Variants in SDK2 observed in about 807,000 individuals in gnomAD.
The protein encoded by SDK2 is protein sidekick-2.
In SDK2, 105 loss-of-function variants were observed where a neutral mutation model predicts 253.9. The observed-to-expected ratio is 0.41, with a 90% CI of 0.35 to 0.49. SDK2 has a LOEUF of 0.49. Ranked by LOEUF, SDK2 falls within the 20% of genes least tolerant of loss-of-function variation. The pLI is 0.06. For missense variants in SDK2, 2,608 were observed against 3,003.0 expected (o/e 0.87, Z 3.07); for synonymous variants, 1,249 against 1,234.9 (o/e 1.01, Z -0.24).
At position 73,419,730 on chromosome 17, in the gene SDK2, C is replaced by CAAAAAAAAAA. The variant is rs1335442338; in HGVS notation, c.2046-425_2046-424insTTTTTTTTTT. 1.5e-4 allele frequency among the ~76,000 whole-genome samples: 4 copies of CAAAAAAAAAA among 25,906 alleles called. 1 individual carries two copies. Among genetic ancestry groups the CAAAAAAAAAA allele is most frequent in the Non-Finnish European group, 3.2e-4 (3 of 9,274 alleles). 17.0% of individuals were successfully genotyped at this position (25,906 alleles called of 152,430 possible). On this transcript the variant is annotated intron_variant, in intron 15 of 44. Coordinates refer to ENST00000392650, the MANE Select transcript of SDK2 (RefSeq NM_001144952.2). ...ACCAAAAAAAACAACAAAAAAAACC[C>CAAAAAAAAAA]AAAAAAACTCCCTCCTGGTGACTTG...
At chr17:73,426,465 ATG>A (rs1162347954) in intron 12 of SDK2, among the ~76,000 whole-genome samples, 1 of 151,944 alleles carries the variant, frequency 6.6e-6, no homozygotes, top group African/African-American at 2.4e-5. Context: ...TTGGATGCAC[ATG>A]TGTCAGTACA....
At chr17:73,351,822 GAGA>G (rs2062541341) in intron 41 of SDK2, among the ~76,000 whole-genome samples, 1 of 152,078 alleles carries the variant, frequency 6.6e-6, no homozygotes, top group African/African-American at 2.4e-5. Flanking sequence ...GTGGGTAAAG[GAGA>G]AGATTTGGTT....
intron 18 of SDK2, among the ~76,000 whole-genome samples, chr17:73,403,531 T>C (rs2063046640): frequency 6.6e-6 from 1 of 152,156 alleles, no homozygotes; most frequent in African/African-American, 2.4e-5. Flanking sequence ...TCCTCATTTA[T>C]TTGAAGTTGA....
At chr17:73,403,899 T>C (rs2063049624) in intron 18 of SDK2, among the ~76,000 whole-genome samples, 1 of 152,252 alleles carries the variant, frequency 6.6e-6, no homozygotes, top group Non-Finnish European at 1.5e-5. Flanking sequence ...ACAAGTTTAA[T>C]GTTTTAATTT....
chr17:73,545,128 A>ACACACACACACACACACAC, intron 1 of SDK2, among the ~76,000 whole-genome samples: 2 of 76,996 alleles, frequency 2.6e-5, no homozygotes, highest in African/African-American at 7.5e-5. Context: ...CACACACACA[A>ACACACACACACACACACAC]AGTGGAGGCT....
intron 1 of SDK2, among the ~76,000 whole-genome samples, chr17:73,542,777 A>G (rs1316414321): frequency 6.6e-6 from 1 of 152,058 alleles, no homozygotes; most frequent in African/African-American, 2.4e-5. Context: ...AACAGGCCTG[A>G]AATTCATGCC....
chr17:73,514,242 G>C (rs575880696), intron 1 of SDK2, among the ~76,000 whole-genome samples: 1 of 152,168 alleles, frequency 6.6e-6, no homozygotes, highest in South Asian at 2.1e-4. Context: ...AATGAAGAGC[G>C]GCCTTCAGAG....
At chr17:73,551,465 C>T (rs1010954635) in intron 1 of SDK2, among the ~76,000 whole-genome samples, 100 of 152,304 alleles carry the variant, frequency 6.6e-4, no homozygotes, top group African/African-American at 2.2e-3. Flanking sequence ...GGGGAGGGGG[C>T]GGAGCGGCCG....
chr17:73,401,954 T>C lies in SDK2; in HGVS notation c.2672A>G (p.His891Arg), dbSNP rs2063031320. The change falls in exon 19 of 45, where the codon CAT (histidine) becomes CGT (arginine). Residue 891 changes from histidine (H) to arginine (R), a missense_variant. Physicochemically the swap from His to Arg is conservative, Grantham distance 29. This residue lies in a region of SDK2 where 1,505 missense variants were observed against 1,859.1 expected (regional missense o/e 0.81). Transcript: ENST00000392650. ...GGCTGGGGGGTGCCTACCATCCTCA[T>C]GGGTGCGCACCAGCTGCGGGGTGCT... Reference protein sequence around the residue: ...PRSTPQLVRTHEDVPGPVGHL... With the variant: ...PRSTPQLVRTREDVPGPVGHL... The C allele has an allele frequency of 2.5e-6, 4 of 1,607,160 alleles. No homozygotes were observed. Among genetic ancestry groups the C allele is most frequent in the Middle Eastern group, 3.3e-4 (2 of 6,006 alleles).
rs1329302718 is a variant in SDK2, at chr17:73,404,560, G to A, written c.2485-2419C>T. On this transcript the variant is annotated intron_variant, in intron 18 of 44. Transcript: ENST00000392650. ...GAAAAGGAAACTGAGGTTCAGGAAGGTTAAGGAGCTTGCACATGGACCTAC... is the reference window on the plus strand; with the variant it reads ...GAAAAGGAAACTGAGGTTCAGGAAGATTAAGGAGCTTGCACATGGACCTAC... Among the ~76,000 whole-genome samples the A allele has an allele frequency of 3.9e-5, 6 of 152,176 alleles. No homozygotes were observed. In the East Asian group the frequency reaches 9.7e-4, roughly 24 times the overall value.
chr17:73,393,658 C>T lies in SDK2; in HGVS notation c.3800G>A (p.Gly1267Asp), dbSNP rs2145503868. 6.2e-7 allele frequency: 1 copy of T among 1,600,858 alleles called. No homozygotes were observed. The highest frequency in any genetic ancestry group is 1.3e-5 in the African/African-American group (1 of 74,858). Residue 1267 changes from glycine (G) to aspartate (D), a missense_variant, in exon 27 of 45, where the codon GGC becomes GAC. Gly to Asp is a moderately conservative substitution (Grantham distance 94). Around this residue, in one of 2 missense-constraint regions of SDK2, gnomAD observed 1,505 missense variants for 1,859.1 expected, o/e 0.81. Transcript: ENST00000392650. The stretch of plus-strand genomic sequence containing the variant: ...CTGGACTTCATAGAGCACGTATTTG[C>T]CCAAGCCGGTGAGCTGGGCACTGCG... ...SSRSAQLTGLGKYVLYEVQVL... is the reference protein window; with the variant it reads ...SSRSAQLTGLDKYVLYEVQVL...
At chr17:73,434,614 G>A (rs2063353097) in intron 9 of SDK2, among the ~76,000 whole-genome samples, 1 of 152,206 alleles carries the variant, frequency 6.6e-6, no homozygotes, top group African/African-American at 2.4e-5. Context: ...AGACCTTTGA[G>A]CTTATGGGCC....
At chr17:73,636,524 C>T (rs922412619) in intron 1 of SDK2, among the ~76,000 whole-genome samples, 2 of 151,206 alleles carry the variant, frequency 1.3e-5, no homozygotes, top group Non-Finnish European at 3.0e-5. Flanking sequence ...CCTGTGCCTA[C>T]TAAAAAATTG....
Position 73,415,797 on chromosome 17 carries a change from C to T in SDK2, c.2368+14G>A. On this transcript the variant is annotated intron_variant, in intron 17 of 44. Transcript: ENST00000392650. ...AGCCACCGCGCCTGGTCTGAGACCA[C>T]AGTCTCTACCTACCTCCCTGCAGCG... is the stretch of plus-strand genomic sequence containing the variant. 1 of 1,548,424 alleles carries T rather than the reference C, an allele frequency of 6.5e-7. No individual in the cohort carries two copies. The highest frequency in any genetic ancestry group is 8.7e-7 in the Non-Finnish European group (1 of 1,144,230).
chr17:73,538,625 C>G (rs2044818257), intron 1 of SDK2, among the ~76,000 whole-genome samples: 1 of 152,358 alleles, frequency 6.6e-6, no homozygotes, highest in South Asian at 2.1e-4. Flanking sequence ...CAACTTCTCG[C>G]CCACGCCTAG....
intron 18 of SDK2, among the ~76,000 whole-genome samples, chr17:73,405,343 G>A (rs79658819): frequency 3.1e-5 from 4 of 128,658 alleles, no homozygotes; most frequent in African/African-American, 8.7e-5. Flanking sequence ...TGGAGGCCGA[G>A]GCAGGAGAAT....
chr17:73,346,118 A>C (rs1478943887), intron 44 of SDK2, among the ~76,000 whole-genome samples: 2 of 151,764 alleles, frequency 1.3e-5, no homozygotes, highest in Non-Finnish European at 2.9e-5. Flanking sequence ...AGGCAGGAGA[A>C]TTGTTTGAAC....
At chr17:73,493,030 T>C (rs1271508781) in intron 2 of SDK2, among the ~76,000 whole-genome samples, 1 of 151,912 alleles carries the variant, frequency 6.6e-6, no homozygotes, top group East Asian at 1.9e-4. Flanking sequence ...GTAAGCGGGG[T>C]CTCCAGCCCA....
At position 73,607,640 on chromosome 17, in the gene SDK2, T is replaced by C. The variant is rs568617569; in HGVS notation, c.64+36385A>G. 5.7e-4 allele frequency among the ~76,000 whole-genome samples: 87 copies of C among 151,864 alleles called. 2 individuals are homozygous for C. The South Asian group carries it at 0.017, about 29-fold the overall frequency. On this transcript the variant is annotated intron_variant, in intron 1 of 44. Transcript: ENST00000392650. ...CCAAGGAGTCACCTGGGGTGCAGCA[T>C]TGAGGGCAGCCAGATCTGCACACCC...
Sources: allele counts gnomAD v4.1 joint callset (sites outside exome capture counted in the v4.1 genomes callset), GRCh38; gene constraint gnomAD v4.1.1; regional missense constraint gnomAD v4.1.1; transcripts MANE v1.5; gene names NCBI Gene and HGNC (gene_info 2026-07-23, HGNC 2026-07-21).